The following CABIN1 variants were observed in gnomAD, a reference collection of about 807,000 sequenced individuals.
The protein encoded by CABIN1 is calcineurin binding protein 1, also known as calcineurin-binding protein cabin-1.
A neutral mutation model predicts 227.7 loss-of-function variants in CABIN1; 133 were observed. The observed-to-expected ratio is 0.58, with a 90% CI of 0.51 to 0.67. The LOEUF (loss-of-function observed/expected upper bound fraction) is 0.67, where lower values mean the gene tolerates loss of function less well. CABIN1 is among the 30% of genes least tolerant of loss of function. The probability of loss-of-function intolerance (pLI) is 0.00; values close to 1 mark genes in which losing one functional copy is unlikely to be tolerated. For missense variants in CABIN1, 2,408 were observed against 2,852.5 expected (o/e 0.84, Z 3.55); for synonymous variants, 1,086 against 1,155.1 (o/e 0.94, Z 1.21).
At chr22:24,111,601 T>C (rs1355663054) in intron 26 of CABIN1, among the ~76,000 whole-genome samples, 1 of 152,142 alleles carries the variant, frequency 6.6e-6, no homozygotes, top group Non-Finnish European at 1.5e-5. Flanking sequence ...GCCAAAAAGG[T>C]TGGGGACTGC....
chr22:24,119,516 G>A lies in CABIN1; in HGVS notation c.4450G>A (p.Gly1484Arg), dbSNP rs764252948. Residue 1484 changes from glycine (G) to arginine (R), a missense_variant, in exon 28 of 37, where the codon GGG becomes AGG. By Grantham distance (125) the Gly-to-Arg change is moderately radical. Around this residue, in one of 3 missense-constraint regions of CABIN1, gnomAD observed 649 missense variants for 910.3 expected, o/e 0.71. Coordinates refer to ENST00000263119, the MANE Select transcript of CABIN1 (RefSeq NM_012295.4). Reference sequence around the variant, plus strand: ...CACCCTGTGGGATGGGAAGAAGAGAGGGGACCTCCCAGGGGAGCCAGTGGC... The same window carrying A: ...CACCCTGTGGGATGGGAAGAAGAGAAGGGACCTCCCAGGGGAGCCAGTGGC... ...TPTLWDGKKR[G>R]DLPGEPVAFP... 6.2e-7 allele frequency: 1 copy of A among 1,613,878 alleles called. No individual in the cohort carries two copies. The highest frequency in any genetic ancestry group is 1.3e-5 in the African/African-American group (1 of 74,934).
Position 24,164,463 on chromosome 22 carries a change from C to T in CABIN1, c.4810C>T (p.Arg1604Cys), listed in dbSNP as rs146989612. Residue 1604 changes from arginine to cysteine, a missense_variant, in exon 30 of 37, where the codon CGC (arginine) becomes TGC (cysteine). Around this residue, in one of 3 missense-constraint regions of CABIN1, gnomAD observed 649 missense variants for 910.3 expected, o/e 0.71. Transcript: ENST00000263119. ...RPGSFAWHMN[R>C]SIVLLLKVLA... ...GGGCAGCTTTGCCTGGCACATGAAC[C>T]GCTCCATCGTGCTGCTGCTCAAGGT... The T allele has an allele frequency of 1.3e-5, 21 of 1,605,820 alleles. No individual in the cohort carries two copies. Among genetic ancestry groups the T allele is most frequent in the Middle Eastern group, 1.6e-4 (1 of 6,078 alleles).
intron 1 of CABIN1, among the ~76,000 whole-genome samples, chr22:24,015,245 G>A (rs1219954211): frequency 1.5e-5 from 2 of 135,254 alleles, no homozygotes; most frequent in Non-Finnish European, 3.1e-5. Flanking sequence ...CAGCCTGGGT[G>A]ACCGGCCGAG....
intron 17 of CABIN1, among the ~76,000 whole-genome samples, chr22:24,071,439 C>G (rs981725190): frequency 1.3e-5 from 2 of 152,116 alleles, no homozygotes; most frequent in African/African-American, 4.8e-5. Flanking sequence ...AGTCACAGCA[C>G]CCTGCATCGT....
chr22:24,168,579 C>A, intron 33 of CABIN1, 58 bp downstream of exon 33: 1 of 1,324,584 alleles, frequency 7.5e-7, no homozygotes. Flanking sequence ...CATATCAAGG[C>A]CCTAGGATGC....
chr22:24,023,174 C>T (rs1398021713), intron 1 of CABIN1, among the ~76,000 whole-genome samples: 1 of 152,170 alleles, frequency 6.6e-6, no homozygotes, highest in African/African-American at 2.4e-5. Context: ...GCCTATTTTA[C>T]TTAACATAGT....
At chr22:24,126,547 T>G (rs1181655624) in intron 28 of CABIN1, among the ~76,000 whole-genome samples, 1 of 151,692 alleles carries the variant, frequency 6.6e-6, no homozygotes, top group Non-Finnish European at 1.5e-5. Context: ...GAAGCTGGTG[T>G]GACTAGAATC....
At chr22:24,063,485 C>T (rs544121571) in intron 14 of CABIN1, among the ~76,000 whole-genome samples, 4 of 152,242 alleles carry the variant, frequency 2.6e-5, no homozygotes, top group East Asian at 3.9e-4. Context: ...TGAGAGAGCC[C>T]GAGCAAGTGA....
rs767128787 is a variant in CABIN1, at chr22:24,072,512, T to TG, written c.2632+3dup. On this transcript the variant is annotated splice_region_variant and intron_variant, in intron 18 of 36. Coordinates refer to ENST00000263119, the MANE Select transcript of CABIN1 (RefSeq NM_012295.4). ...AGCTCCAAAACCCAGCGGAGGAAGG[T>TG]GCACAGGCAGTGGGTGCAGTGGGGA... 6.2e-7 allele frequency: 1 copy of TG among 1,614,124 alleles called. No individual in the cohort carries two copies. The highest frequency in any genetic ancestry group is 8.5e-7 in the Non-Finnish European group (1 of 1,180,022).
intron 1 of CABIN1, among the ~76,000 whole-genome samples, chr22:24,019,807 G>A (rs143399018): frequency 1.3e-5 from 2 of 151,694 alleles, no homozygotes; most frequent in African/African-American, 4.8e-5. Flanking sequence ...ACAGGCATGC[G>A]CCACCATGCC....
chr22:24,159,855 T>G (rs1042583294), intron 29 of CABIN1, among the ~76,000 whole-genome samples: 1 of 152,170 alleles, frequency 6.6e-6, no homozygotes, highest in African/African-American at 2.4e-5. Flanking sequence ...AGCCACCCCG[T>G]CCACAGGCAG....
rs200651736 is a variant in CABIN1, at chr22:24,087,483, C to T, written c.3295C>T (p.Arg1099Trp). Reference sequence around the variant, plus strand: ...TTCCTGGGCAGGCATGGCTCTGGCCCGGGCCAGCCGCATTCAGGACAAGCT... The same window carrying T: ...TTCCTGGGCAGGCATGGCTCTGGCCTGGGCCAGCCGCATTCAGGACAAGCT... ...FDSWAGMALA[R>W]ASRIQDKLNS... The change falls in exon 23 of 37, where the codon CGG becomes TGG. Residue 1099 changes from arginine to tryptophan, a missense_variant. By Grantham distance (101) the Arg-to-Trp change is moderately radical. Transcript: ENST00000263119. 43 of 1,614,020 alleles carry T rather than the reference C, an allele frequency of 2.7e-5. No individual in the cohort carries two copies. In the East Asian group the frequency reaches 6.9e-4, roughly 26 times the overall value.
In CABIN1 at chr22:24,063,059, C is replaced by G. The variant is rs182558512; in HGVS notation, c.1797C>G (p.Ala599=). The G allele has an allele frequency of 6.2e-7, 1 of 1,614,080 alleles. No homozygotes were observed. Among genetic ancestry groups the G allele is most frequent in the Non-Finnish European group, 8.5e-7 (1 of 1,180,032 alleles). Reference sequence around the variant, plus strand: ...GTGACCTCCTACAGCTGTCATTTGCCTCGTCCCAGCGCGACCTGTTCGAGG... The same window carrying G: ...GTGACCTCCTACAGCTGTCATTTGCGTCGTCCCAGCGCGACCTGTTCGAGG... The part of the protein sequence containing the change: ...CLGDLLQLSF[A]SSQRDLFEDG... Residue 599 remains alanine (A), a synonymous_variant, in exon 14 of 37, where the codon GCC becomes GCG. Transcript: ENST00000263119.
intron 1 of CABIN1, among the ~76,000 whole-genome samples, chr22:24,019,864 T>C (rs1030457500): frequency 6.6e-6 from 1 of 150,858 alleles, no homozygotes; most frequent in African/African-American, 2.4e-5. Context: ...TCCATGTTGG[T>C]CAGGCTGGTC....
chr22:24,071,233 C>T (rs765499944), intron 17 of CABIN1, 191 bp downstream of exon 17: 71 of 718,258 alleles, frequency 9.9e-5, no homozygotes, highest in East Asian at 1.9e-4. Context: ...TGGGGCTGGT[C>T]GGATCTGGGG....
intron 1 of CABIN1, among the ~76,000 whole-genome samples, chr22:24,031,123 G>A (rs768546205): frequency 1.3e-5 from 2 of 152,112 alleles, no homozygotes; most frequent in Non-Finnish European, 2.9e-5. Context: ...GCCATTAATG[G>A]GCCCCTCCCT....
At chr22:24,145,568 T>C (rs1314193975) in intron 29 of CABIN1, among the ~76,000 whole-genome samples, 1 of 152,086 alleles carries the variant, frequency 6.6e-6, no homozygotes, top group Admixed American at 6.6e-5. Flanking sequence ...GAGGTGGGCT[T>C]GGGGGACCTG....
chr22:24,037,882 C>G (rs2037047183), intron 3 of CABIN1, among the ~76,000 whole-genome samples: 1 of 152,174 alleles, frequency 6.6e-6, no homozygotes, highest in South Asian at 2.1e-4. Context: ...TCACCCCCTA[C>G]CCCTTTTAGA....
At chr22:24,012,618 T>C (rs1601604294) in intron 1 of CABIN1, among the ~76,000 whole-genome samples, 1 of 152,194 alleles carries the variant, frequency 6.6e-6, no homozygotes, top group East Asian at 1.9e-4. Context: ...TCTGAGGCCA[T>C]GGAAACTATA....
Sources: allele counts gnomAD v4.1 joint callset (sites outside exome capture counted in the v4.1 genomes callset), GRCh38; gene constraint gnomAD v4.1.1; regional missense constraint gnomAD v4.1.1; transcripts MANE v1.5; gene names NCBI Gene and HGNC (gene_info 2026-07-23, HGNC 2026-07-21).